Variants in MYB observed in about 807,000 individuals in gnomAD.
MYB encodes transcriptional activator Myb.
MYB carries 28 observed loss-of-function variants against 92.9 expected under a neutral mutation model. That is an observed-to-expected ratio of 0.30 (90% CI 0.22 to 0.41). The LOEUF is 0.41. Among genes scored for constraint, MYB ranks in the 10% least tolerant of loss-of-function variants. The pLI, the probability that MYB is intolerant of heterozygous loss-of-function variation, is 1.00. For missense variants in MYB, 679 were observed against 929.3 expected, an observed-to-expected ratio of 0.73 and a Z score of 3.50; for synonymous variants, 295 against 329.1, an observed-to-expected ratio of 0.90 and a Z score of 1.12.
chr6:135,215,722 C>T (rs1583445624), intron 15 of MYB, among the ~76,000 whole-genome samples: 3 of 152,084 alleles, frequency 2.0e-5, no homozygotes, highest in African/African-American at 7.2e-5. Context: ...CCTGCTATCT[C>T]GCTCCCTGGA....
chr6:135,192,614 GTAA>G, intron 6 of MYB, 56 bp downstream of exon 6: 1 of 1,513,648 alleles, frequency 6.6e-7, no homozygotes, highest in Non-Finnish European at 9.2e-7. Context: ...TTAGCTCCAG[GTAA>G]TAATCATACT....
chr6:135,185,186 A>G (rs536788719), intron 1 of MYB, among the ~76,000 whole-genome samples: 1 of 152,358 alleles, frequency 6.6e-6, no homozygotes, highest in African/African-American at 2.4e-5. Context: ...TTATTCACTT[A>G]GTTACTCTAG....
chr6:135,189,773 C>T lies in MYB; in HGVS notation c.214-18C>T. On this transcript the variant is annotated intron_variant, in intron 3 of 15. Transcript: ENST00000341911. Reference sequence around the variant, plus strand: ...ATCACATCATATCTTTATGGTGGTGCATACTTTATTTGTCTAGAATCGAAC... The same window carrying T: ...ATCACATCATATCTTTATGGTGGTGTATACTTTATTTGTCTAGAATCGAAC... 6.2e-7 allele frequency: 1 copy of T among 1,603,418 alleles called. No individual in the cohort carries two copies. Among genetic ancestry groups the T allele is most frequent in the Non-Finnish European group, 8.5e-7 (1 of 1,170,946 alleles).
Position 135,181,505 on chromosome 6 carries a change from C to T in MYB, c.-9C>T. ...GCGGCTCTCGGCGGAGCCCCGCGCC[C>T]GCCGCGCCATGGCCCGAAGACCCCG... On this transcript the variant is annotated 5_prime_UTR_variant, in exon 1 of 16. Transcript: ENST00000341911. The surrounding 1 kb of genome is among the most constrained non-coding windows in gnomAD (Gnocchi z 5.3). 2 of 1,141,196 alleles carry T rather than the reference C, an allele frequency of 1.8e-6. No individual in the cohort carries two copies. Among genetic ancestry groups the T allele is most frequent in the Non-Finnish European group, 1.1e-6 (1 of 930,496 alleles). 70.7% of individuals were successfully genotyped at this position (1,141,196 alleles called of 1,614,324 possible).
intron 9 of MYB, chr6:135,196,635 T>A (rs1373500304): frequency 2.0e-5 from 16 of 820,442 alleles, no homozygotes; most frequent in Non-Finnish European, 2.7e-5. Context: ...TGATTAAAAA[T>A]CATTTATTGC....
chr6:135,187,728 C>T, intron 2 of MYB, 106 bp from the exon 3 acceptor site: 1 of 663,420 alleles, frequency 1.5e-6, no homozygotes. Context: ...TATTCGGATA[C>T]TTTAGAGAGA....
intron 14 of MYB, chr6:135,202,345 C>G (rs1274153897): frequency 6.5e-6 from 1 of 153,976 alleles, no homozygotes; most frequent in Non-Finnish European, 1.4e-5. Context: ...CACAATTATC[C>G]TGTAAGGTTG....
intron 1 of MYB, among the ~76,000 whole-genome samples, chr6:135,184,322 C>CTTTTTTTTTTTTTTTTTTTTTT: frequency 2.9e-5 from 2 of 68,404 alleles, no homozygotes; most frequent in Non-Finnish European, 5.6e-5. Flanking sequence ...GGCTTTATAG[C>CTTTTTTTTTTTTTTTTTTTTTT]TTTTTTTTTT....
chr6:135,185,104 T>C lies in MYB; in HGVS notation c.24-799T>C, dbSNP rs938625438. Among the ~76,000 whole-genome samples the C allele has an allele frequency of 2.0e-5, 3 of 152,228 alleles. No individual in the cohort carries two copies. In the East Asian group the frequency reaches 5.8e-4, roughly 29 times the overall value. On this transcript the variant is annotated intron_variant, in intron 1 of 15. Coordinates refer to ENST00000341911, the MANE Select transcript of MYB (RefSeq NM_001130173.2). Reference sequence around the variant, plus strand: ...TTCTGGATTAGGTTACATTTTATAATATTTCAAACACCATTCCATCAGAGA... The same window carrying C: ...TTCTGGATTAGGTTACATTTTATAACATTTCAAACACCATTCCATCAGAGA...
chr6:135,199,874 C>G lies in MYB; in HGVS notation c.1710-211C>G, dbSNP rs535168748. Among the ~76,000 whole-genome samples, 14 of 152,266 alleles carry G rather than the reference C, an allele frequency of 9.2e-5. No individual in the cohort carries two copies. In the South Asian group the frequency reaches 2.5e-3, roughly 27 times the overall value. ...TGTTAAATCATTTAATGCTTTTAGTCTTCGAGGTATAATATTTTGAAATAT... is the reference window on the plus strand; with the variant it reads ...TGTTAAATCATTTAATGCTTTTAGTGTTCGAGGTATAATATTTTGAAATAT... On this transcript the variant is annotated intron_variant, in intron 11 of 15. Transcript: ENST00000341911.
chr6:135,197,369 C>A (rs1334405087), intron 10 of MYB, 46 bp downstream of exon 10: 1 of 1,431,250 alleles, frequency 7.0e-7, no homozygotes, highest in East Asian at 2.3e-5. Context: ...TCAACAGACA[C>A]CTGAGCCTTA....
Position 135,181,612 on chromosome 6 carries a change from G to C in MYB, c.23+76G>C. On this transcript the variant is annotated intron_variant, in intron 1 of 15. Coordinates refer to ENST00000341911, the MANE Select transcript of MYB (RefSeq NM_001130173.2). The surrounding 1 kb of genome is among the most constrained non-coding windows in gnomAD (Gnocchi z 5.3). ...CGGGGCGCCAGGCTCCCGGGAGCAG[G>C]TGGGAATTCGTTCCGGGATCATCTG... 2 of 1,016,494 alleles carry C rather than the reference G, an allele frequency of 2.0e-6. No individual in the cohort carries two copies. The highest frequency in any genetic ancestry group is 2.5e-6 in the Non-Finnish European group (2 of 811,958). The allele number at this position is 1,016,494 out of a possible 1,614,324, so 63.0% of individuals were successfully genotyped here.
At position 135,182,886 on chromosome 6, in the gene MYB, G is replaced by A. The variant is rs1775292775; in HGVS notation, c.23+1350G>A. Reference sequence around the variant, plus strand: ...GGCTCTGGGGACGAGAGGGCGACTTGGGGGAGCTCCGGGCTCCCTATGCCT... The same window carrying A: ...GGCTCTGGGGACGAGAGGGCGACTTAGGGGAGCTCCGGGCTCCCTATGCCT... On this transcript the variant is annotated intron_variant, in intron 1 of 15. Transcript: ENST00000341911. This position sits in a 1 kb window ranked among gnomAD's most constrained non-coding sequence, Gnocchi z 5.6. Among the ~76,000 whole-genome samples, 2 of 152,248 alleles carry A rather than the reference G, an allele frequency of 1.3e-5. No individual in the cohort carries two copies. The highest frequency in any genetic ancestry group is 1.3e-4 in the Admixed American group (2 of 15,302).
intron 1 of MYB, among the ~76,000 whole-genome samples, chr6:135,183,993 T>G (rs1056403236): frequency 5.3e-5 from 8 of 152,180 alleles, no homozygotes; most frequent in African/African-American, 1.9e-4. Context: ...TCCAGAACCC[T>G]AGTCCTGTTG....
At position 135,195,935 on chromosome 6, in the gene MYB, A is replaced by G; in HGVS notation, c.1136A>G (p.Gln379Arg). The change falls in exon 9 of 16, where the codon CAG becomes CGG. Residue 379 changes from glutamine (Q) to arginine (R), a missense_variant. Physicochemically the swap from Gln to Arg is conservative, Grantham distance 43. Transcript: ENST00000341911. ...CCAGCAAGGTGCATGATCGTCCACC[A>G]GGGCACCATTCTGGATAATGTTAAG... ...ASPARCMIVHQGTILDNVKNL... is the reference protein window; with the variant it reads ...ASPARCMIVHRGTILDNVKNL... 1 of 1,614,196 alleles carries G rather than the reference A, an allele frequency of 6.2e-7. No homozygotes were observed. Among genetic ancestry groups the G allele is most frequent in the Non-Finnish European group, 8.5e-7 (1 of 1,180,010 alleles).
At position 135,181,643 on chromosome 6, in the gene MYB, C is replaced by T; in HGVS notation, c.23+107C>T. On this transcript the variant is annotated intron_variant, in intron 1 of 15. Coordinates refer to ENST00000341911, the MANE Select transcript of MYB (RefSeq NM_001130173.2). This position sits in a 1 kb window ranked among gnomAD's most constrained non-coding sequence, Gnocchi z 5.3. ...ATTCGTTCCGGGATCATCTGAGGGG[C>T]TGTCAGACCCTCCGAGGACCTGGAG... is the stretch of plus-strand genomic sequence containing the variant. 1 of 794,858 alleles carries T rather than the reference C, an allele frequency of 1.3e-6. No individual in the cohort carries two copies. The highest frequency in any genetic ancestry group is 1.6e-6 in the Non-Finnish European group (1 of 617,952). 49.2% of individuals were successfully genotyped at this position (794,858 alleles called of 1,614,324 possible). A position where few individuals can be genotyped will look rare whatever the true frequency, so the allele number is the denominator to read the frequency against.
At chr6:135,206,767 G>T (rs1779001457) in intron 15 of MYB, among the ~76,000 whole-genome samples, 1 of 152,072 alleles carries the variant, frequency 6.6e-6, no homozygotes, top group African/African-American at 2.4e-5. Context: ...AGTGAATGTT[G>T]TTCTACATAC....
At position 135,190,119 on chromosome 6, in the gene MYB, A is replaced by G. The variant is rs1427733102; in HGVS notation, c.307-8A>G. 6.2e-7 allele frequency: 1 copy of G among 1,612,810 alleles called. No homozygotes were observed. The highest frequency in any genetic ancestry group is 8.5e-7 in the Non-Finnish European group (1 of 1,179,032). ...AAACATAGGTTATTTTTGTGTGTTT[A>G]TCTGAAGGTGATAGAGCTTGTACAG... On this transcript the variant is annotated splice_region_variant and splice_polypyrimidine_tract_variant and intron_variant, in intron 4 of 15. Transcript: ENST00000341911. The surrounding 1 kb of genome is among the most constrained non-coding windows in gnomAD (Gnocchi z 4.5).
intron 15 of MYB, among the ~76,000 whole-genome samples, chr6:135,216,556 C>T (rs1780464286): frequency 6.6e-6 from 1 of 152,066 alleles, no homozygotes; most frequent in African/African-American, 2.4e-5. Context: ...AAGGAAAACA[C>T]CTATACATGT....
Sources: gnomAD v4.1 joint callset for allele counts (sites outside exome capture counted in the v4.1 genomes callset) on GRCh38, gnomAD v4.1.1 for gene constraint, Gnocchi (gnomAD v3.1) non-coding constraint, MANE v1.5 for transcripts, NCBI Gene and HGNC (gene_info 2026-07-23, HGNC 2026-07-21) for gene names.